The following CENPE variants were observed in gnomAD, a reference collection of about 807,000 sequenced individuals.
CENPE encodes centromere-associated protein E.
In CENPE, 145 loss-of-function variants were observed where a neutral mutation model predicts 336.1. The ratio of observed to expected loss-of-function variants is 0.43; its 90% confidence interval spans 0.38 to 0.50. CENPE has a LOEUF of 0.50. Among genes scored for constraint, CENPE ranks in the 20% least tolerant of loss-of-function variants. The pLI is 0.00. For missense variants in CENPE, 2,719 were observed against 3,023.3 expected (o/e 0.90, Z 2.36); for synonymous variants, 1,013 against 984.8 (o/e 1.03, Z -0.54).
At chr4:103,180,234 T>C (rs1213407017) in intron 13 of CENPE, 77 bp downstream of exon 13, 19 of 1,306,484 alleles carry the variant, frequency 1.5e-5, no homozygotes, top group Non-Finnish European at 1.9e-5. Context: ...AGAAAGTGCA[T>C]ACTATATAAT....
chr4:103,182,774 A>G lies in CENPE; in HGVS notation c.951T>C (p.Leu317=), dbSNP rs771740249. 7.5e-6 allele frequency: 12 copies of G among 1,609,660 alleles called. No homozygotes were observed. In the African/African-American group the frequency reaches 1.5e-4, roughly 20 times the overall value. ...TITPVSFDET[L]TALQFASTAK... ...AAATCAAACTCACCTGGAGAGCAGT[A>G]AGTGTTTCATCAAAAGATACTGGAG... The change falls in exon 11 of 49, where the codon CTT becomes CTC. Residue 317 remains leucine, a synonymous_variant. Transcript: ENST00000265148.
At chr4:103,138,923 C>T (rs1202638800) in intron 38 of CENPE, among the ~76,000 whole-genome samples, 1 of 152,172 alleles carries the variant, frequency 6.6e-6, no homozygotes, top group African/African-American at 2.4e-5. Flanking sequence ...TTCCAAATCT[C>T]TGCATTATTC....
At chr4:103,167,936 A>G (rs938380463) in intron 16 of CENPE, among the ~76,000 whole-genome samples, 1 of 152,174 alleles carries the variant, frequency 6.6e-6, no homozygotes, top group African/African-American at 2.4e-5. Flanking sequence ...AAGTTAGCCT[A>G]TAACTTGGCT....
At chr4:103,157,125 T>C (rs912081780) in intron 24 of CENPE, among the ~76,000 whole-genome samples, 1 of 150,774 alleles carries the variant, frequency 6.6e-6, no homozygotes, top group South Asian at 2.1e-4. Flanking sequence ...CCAGAACACT[T>C]CTGTCCTGTT....
Position 103,180,302 on chromosome 4 carries a change from T to C in CENPE, c.1242+9A>G. 1 of 1,607,698 alleles carries C rather than the reference T, an allele frequency of 6.2e-7. No homozygotes were observed. The highest frequency in any genetic ancestry group is 1.1e-5 in the South Asian group (1 of 89,768). ...ACATCAAGTTTAAGCTGTCATCTTT[T>C]AATTTTACCTTTAATTCCTGTTGCA... On this transcript the variant is annotated intron_variant, in intron 13 of 48. Coordinates refer to ENST00000265148, the MANE Select transcript of CENPE (RefSeq NM_001813.3).
At chr4:103,145,714 T>C in intron 30 of CENPE, 33 bp from the exon 31 acceptor site, 1 of 1,534,012 alleles carries the variant, frequency 6.5e-7, no homozygotes, top group Non-Finnish European at 8.7e-7. Context: ...AATAAATTTA[T>C]AGAAACATTA....
intron 42 of CENPE, among the ~76,000 whole-genome samples, chr4:103,124,425 A>T (rs936753524): frequency 6.6e-5 from 10 of 152,150 alleles, no homozygotes; most frequent in Admixed American, 3.3e-4. Flanking sequence ...TTGTACTAAC[A>T]TATGAAGAGA....
intron 26 of CENPE, 50 bp downstream of exon 26, chr4:103,151,169 A>T: frequency 6.4e-7 from 1 of 1,555,482 alleles, no homozygotes. Context: ...ATTACCAAAA[A>T]AAAAGTTTAG....
chr4:103,163,961 C>T (rs1754695007), intron 16 of CENPE, among the ~76,000 whole-genome samples: 1 of 152,026 alleles, frequency 6.6e-6, no homozygotes, highest in African/African-American at 2.4e-5. Flanking sequence ...TGTATTAATT[C>T]TTATAAAGTT....
At chr4:103,190,221 G>C (rs1757175426) in intron 8 of CENPE, among the ~76,000 whole-genome samples, 1 of 152,134 alleles carries the variant, frequency 6.6e-6, no homozygotes, top group African/African-American at 2.4e-5. Flanking sequence ...TACTGCCCAA[G>C]GTAATTTATA....
chr4:103,176,080 G>T, intron 14 of CENPE, 32 bp from the exon 15 acceptor site: 2 of 1,346,742 alleles, frequency 1.5e-6, no homozygotes, highest in South Asian at 2.7e-5. Context: ...ATTTGTCCAT[G>T]AACATGTTTA....
At chr4:103,110,796 C>T in intron 47 of CENPE, 32 bp downstream of exon 47, 1 of 1,507,366 alleles carries the variant, frequency 6.6e-7, no homozygotes, top group Non-Finnish European at 8.9e-7. Flanking sequence ...TAGCCGTAAG[C>T]ATAATATCCG....
chr4:103,144,257 C>G, intron 33 of CENPE, 74 bp downstream of exon 33: 1 of 1,367,372 alleles, frequency 7.3e-7, no homozygotes, highest in Non-Finnish European at 1.0e-6. Flanking sequence ...TATACTCCCA[C>G]CAACCCTATG....
At chr4:103,131,857 T>TA (rs1361525034) in intron 42 of CENPE, among the ~76,000 whole-genome samples, 1 of 152,176 alleles carries the variant, frequency 6.6e-6, no homozygotes, top group Non-Finnish European at 1.5e-5. Flanking sequence ...GAAAAGGCTA[T>TA]ATACTGTATG....
intron 8 of CENPE, among the ~76,000 whole-genome samples, chr4:103,190,108 G>A (rs1757162300): frequency 6.6e-6 from 1 of 151,992 alleles, no homozygotes; most frequent in African/African-American, 2.4e-5. Context: ...CCTCTTCAAG[G>A]AGAACTACAA....
At position 103,158,403 on chromosome 4, in the gene CENPE, T is replaced by C; in HGVS notation, c.2930A>G (p.Gln977Arg). ...RNALESLKQH[Q>R]ETINTLKSKI... ...CGATTTTAGTGTATTAATTGTTTCT[T>C]GATGTTGTTTCAGAGACTCAAGAGC... Residue 977 changes from glutamine to arginine, a missense_variant, in exon 24 of 49, where the codon CAA becomes CGA. This residue lies in a region of CENPE where 2,437 missense variants were observed against 2,513.3 expected (regional missense o/e 0.97). Transcript: ENST00000265148. 6.2e-7 allele frequency: 1 copy of C among 1,607,168 alleles called. No individual in the cohort carries two copies. The highest frequency in any genetic ancestry group is 8.5e-7 in the Non-Finnish European group (1 of 1,176,812).
In CENPE at chr4:103,182,828, A is replaced by G. The variant is rs201342646; in HGVS notation, c.897T>C (p.Asn299=). The part of the protein sequence containing the change: ...TRILQNSLGG[N]AKTRIICTIT... ...TTGTGCAGATAATACGTGTCTTTGC[A>G]TTTCCTCCCAAGGAATTCTGGAGAA... Residue 299 remains asparagine, a synonymous_variant, in exon 11 of 49, where the codon AAT becomes AAC. Coordinates refer to ENST00000265148, the MANE Select transcript of CENPE (RefSeq NM_001813.3). The G allele has an allele frequency of 6.2e-7, 1 of 1,612,866 alleles. No individual in the cohort carries two copies. The highest frequency in any genetic ancestry group is 2.2e-5 in the East Asian group (1 of 44,754).
chr4:103,167,104 A>G lies in CENPE; in HGVS notation c.1648-3551T>C, dbSNP rs141941750. Among the ~76,000 whole-genome samples the G allele has an allele frequency of 1.1e-4, 17 of 152,306 alleles. No homozygotes were observed. In the East Asian group the frequency reaches 3.3e-3, roughly 29 times the overall value. The stretch of plus-strand genomic sequence containing the variant: ...TGGAGAAGGAAAAACAAAACGTACA[A>G]AATTAGCTTCTCCAGCTATTCTAAT... On this transcript the variant is annotated intron_variant, in intron 16 of 48. Coordinates refer to ENST00000265148, the MANE Select transcript of CENPE (RefSeq NM_001813.3).
intron 42 of CENPE, among the ~76,000 whole-genome samples, chr4:103,123,723 T>C (rs1198457823): frequency 6.6e-6 from 1 of 152,126 alleles, no homozygotes; most frequent in African/African-American, 2.4e-5. Context: ...AGAACAGAAA[T>C]GTGTTCCAGT....
Sources: allele counts gnomAD v4.1 joint callset (sites outside exome capture counted in the v4.1 genomes callset), GRCh38; gene constraint gnomAD v4.1.1; regional missense constraint gnomAD v4.1.1; transcripts MANE v1.5; gene names NCBI Gene and HGNC (gene_info 2026-07-23, HGNC 2026-07-21).